Variants in GALNTL6 observed in about 807,000 individuals in gnomAD.
GALNTL6 encodes polypeptide N-acetylgalactosaminyltransferase like 6, also known as polypeptide N-acetylgalactosaminyltransferase-like 6.
In GALNTL6, 46 loss-of-function variants were observed where a neutral mutation model predicts 73.7. That is an observed-to-expected ratio of 0.62 (90% CI 0.49 to 0.80). The LOEUF (loss-of-function observed/expected upper bound fraction) is 0.80, where lower values mean the gene tolerates loss of function less well. Among genes scored for constraint, GALNTL6 ranks in the 30% least tolerant of loss-of-function variants. The pLI, the probability that GALNTL6 is intolerant of heterozygous loss-of-function variation, is 0.00. For missense variants in GALNTL6, 604 were observed against 755.0 expected (o/e 0.80, Z 2.34); for synonymous variants, 259 against 263.7 (o/e 0.98, Z 0.17).
chr4:171,939,997 T>C (rs1168173021), intron 2 of GALNTL6, among the ~76,000 whole-genome samples: 1 of 152,094 alleles, frequency 6.6e-6, no homozygotes, highest in Non-Finnish European at 1.5e-5. Flanking sequence ...TATGTATGTG[T>C]CTTGGATTTG....
At chr4:172,991,678 G>A (rs1309822512) in intron 10 of GALNTL6, among the ~76,000 whole-genome samples, 1 of 152,084 alleles carries the variant, frequency 6.6e-6, no homozygotes, top group African/African-American at 2.4e-5. Flanking sequence ...AAAGTGCTAG[G>A]ATTATGGGCA....
chr4:172,272,667 C>T (rs952491547), intron 3 of GALNTL6, among the ~76,000 whole-genome samples: 2 of 152,258 alleles, frequency 1.3e-5, no homozygotes, highest in African/African-American at 4.8e-5. Flanking sequence ...GATACTGTCT[C>T]ATTTGTAAAT....
At chr4:172,249,284 T>C (rs1391034920) in intron 3 of GALNTL6, among the ~76,000 whole-genome samples, 1 of 152,186 alleles carries the variant, frequency 6.6e-6, no homozygotes, top group Admixed American at 6.5e-5. Flanking sequence ...GCCCTAGAGA[T>C]CTATGAAACT....
intron 10 of GALNTL6, among the ~76,000 whole-genome samples, chr4:173,007,198 A>G (rs1337633679): frequency 6.6e-6 from 1 of 152,080 alleles, no homozygotes; most frequent in Non-Finnish European, 1.5e-5. Context: ...TCTCTGCCTC[A>G]TTGCCCACCC....
intron 2 of GALNTL6, among the ~76,000 whole-genome samples, chr4:171,865,821 A>G (rs1036664741): frequency 2.0e-5 from 3 of 152,150 alleles, no homozygotes; most frequent in Non-Finnish European, 4.4e-5. Context: ...GAAATCAGAC[A>G]TTTTCGTGAT....
At chr4:172,900,645 A>C (rs1408044447) in intron 8 of GALNTL6, among the ~76,000 whole-genome samples, 1 of 152,192 alleles carries the variant, frequency 6.6e-6, no homozygotes, top group Non-Finnish European at 1.5e-5. Context: ...GCATTAAAGC[A>C]TTAAAGAAAA....
At chr4:171,924,334 A>G (rs979822213) in intron 2 of GALNTL6, among the ~76,000 whole-genome samples, 25 of 152,110 alleles carry the variant, frequency 1.6e-4, no homozygotes, top group African/African-American at 6.0e-4. Context: ...TCACAGGAGC[A>G]TGAGAGATTT....
At chr4:172,628,541 A>G (rs539321508) in intron 5 of GALNTL6, among the ~76,000 whole-genome samples, 1 of 152,188 alleles carries the variant, frequency 6.6e-6, no homozygotes, top group South Asian at 2.1e-4. Flanking sequence ...AGACCAGCCT[A>G]TTCTCTTGGA....
chr4:172,055,406 G>C (rs1560903064), intron 2 of GALNTL6, among the ~76,000 whole-genome samples: 1 of 152,082 alleles, frequency 6.6e-6, no homozygotes, highest in Non-Finnish European at 1.5e-5. Flanking sequence ...AGTAAATGGA[G>C]CTCTTTTCTA....
chr4:171,940,845 AAATAAATAAATAAATAAAT>A (rs1738514933), intron 2 of GALNTL6, among the ~76,000 whole-genome samples: 2 of 141,382 alleles, frequency 1.4e-5, no homozygotes, highest in Admixed American at 7.8e-5. Flanking sequence ...ATAAATAAAT[AAATAAATAAATAAATAAAT>A]ATATAAGTCA....
At chr4:172,535,031 C>T (rs1042003785) in intron 5 of GALNTL6, among the ~76,000 whole-genome samples, 1 of 152,154 alleles carries the variant, frequency 6.6e-6, no homozygotes, top group African/African-American at 2.4e-5. Context: ...TTTTAGAAGA[C>T]AAGAGCTAAA....
At chr4:172,890,951 T>G (rs2111212495) in intron 8 of GALNTL6, among the ~76,000 whole-genome samples, 1 of 152,330 alleles carries the variant, frequency 6.6e-6, no homozygotes, top group Admixed American at 6.5e-5. Context: ...TGACCTTCTT[T>G]GCCTGTTTTT....
At position 172,340,771 on chromosome 4, in the gene GALNTL6, C is replaced by T. The variant is rs149989848; in HGVS notation, c.387-7752C>T. 6.0e-4 allele frequency among the ~76,000 whole-genome samples: 92 copies of T among 152,330 alleles called. No homozygotes were observed. In the East Asian group the frequency reaches 0.017, roughly 28 times the overall value. ...AACTCTTTCCATACTCCACCTAATT[C>T]TCCATAAGCATTAGTTTTTACCCTA... On this transcript the variant is annotated intron_variant, in intron 4 of 12. Coordinates refer to ENST00000506823, the MANE Select transcript of GALNTL6 (RefSeq NM_001034845.3).
At chr4:172,517,749 A>C (rs1171850353) in intron 5 of GALNTL6, among the ~76,000 whole-genome samples, 1 of 152,110 alleles carries the variant, frequency 6.6e-6, no homozygotes, top group African/African-American at 2.4e-5. Flanking sequence ...TTAACACTTG[A>C]TGCTGAGATT....
At chr4:172,848,715 C>T (rs1221138697) in intron 7 of GALNTL6, among the ~76,000 whole-genome samples, 2 of 152,168 alleles carry the variant, frequency 1.3e-5, no homozygotes, top group Non-Finnish European at 2.9e-5. Context: ...GTTCTCCAAC[C>T]TTGTCCTCCA....
rs569550726 is a variant in GALNTL6 at position 172,036,535 on chromosome 4, G to A, written c.139-193121G>A. ...TGAGAGTAATATCTAACAGTTATTCGATACTCACTGTTCGTACATGCCAGT... is the reference window on the plus strand; with the variant it reads ...TGAGAGTAATATCTAACAGTTATTCAATACTCACTGTTCGTACATGCCAGT... On this transcript the variant is annotated intron_variant, in intron 2 of 12. Transcript: ENST00000506823. Among the ~76,000 whole-genome samples, 226 of 152,148 alleles carry A rather than the reference G, an allele frequency of 1.5e-3. 2 individuals are homozygous for A. The highest frequency in any genetic ancestry group is 5.1e-3 in the African/African-American group (212 of 41,532).
intron 5 of GALNTL6, among the ~76,000 whole-genome samples, chr4:172,788,763 G>C (rs1052089479): frequency 1.3e-5 from 2 of 151,888 alleles, no homozygotes; most frequent in Non-Finnish European, 2.9e-5. Flanking sequence ...GATAACTAAG[G>C]GAACAAGGTT....
intron 5 of GALNTL6, among the ~76,000 whole-genome samples, chr4:172,626,839 A>T (rs560974603): frequency 6.6e-6 from 1 of 152,150 alleles, no homozygotes; most frequent in Admixed American, 6.6e-5. Flanking sequence ...TTATAAATTT[A>T]TTTTGTATCT....
chr4:173,010,793 GAC>G (rs1379957996), intron 11 of GALNTL6, among the ~76,000 whole-genome samples: 1 of 145,378 alleles, frequency 6.9e-6, no homozygotes, highest in Admixed American at 7.0e-5. Flanking sequence ...TTTTAGTAGA[GAC>G]AGGGGTTCAC....
Sources: gnomAD v4.1 joint callset for allele counts (sites outside exome capture counted in the v4.1 genomes callset) on GRCh38, gnomAD v4.1.1 for gene constraint, MANE v1.5 for transcripts, NCBI Gene and HGNC (gene_info 2026-07-23, HGNC 2026-07-21) for gene names.